PGM5: variants seen among roughly 807,000 people sequenced by gnomAD.
The protein encoded by PGM5 is phosphoglucomutase-like protein 5.
In PGM5, 23 loss-of-function variants were observed where a neutral mutation model predicts 59.2. The ratio of observed to expected loss-of-function variants is 0.39; its 90% CI spans 0.28 to 0.55. The LOEUF is 0.55. Ranked by LOEUF, PGM5 falls within the 20% of genes least tolerant of loss-of-function variation. The pLI is 0.66. For synonymous variants in PGM5, 214 were observed against 286.0 expected, an observed-to-expected ratio of 0.75 and a Z score of 2.54; for missense variants, 574 against 748.3, an observed-to-expected ratio of 0.77 and a Z score of 2.72.
At chr9:68,521,755 A>G (rs989766481) in intron 10 of PGM5, among the ~76,000 whole-genome samples, 1 of 152,216 alleles carries the variant, frequency 6.6e-6, no homozygotes, top group African/African-American at 2.4e-5. Flanking sequence ...AGAGAGGAAC[A>G]GGGAAACCAT....
chr9:68,505,606 T>C (rs1421424471), intron 10 of PGM5, among the ~76,000 whole-genome samples: 1 of 152,190 alleles, frequency 6.6e-6, no homozygotes, highest in Non-Finnish European at 1.5e-5. Flanking sequence ...TTATAAAGGC[T>C]AGAACCCAGA....
chr9:68,494,168 G>A (rs1824444597), intron 9 of PGM5, among the ~76,000 whole-genome samples: 1 of 152,082 alleles, frequency 6.6e-6, no homozygotes, highest in African/African-American at 2.4e-5. Flanking sequence ...TGTGGCTAGT[G>A]AGATATCATG....
rs998291678 is a variant in PGM5 at position 68,466,069 on chromosome 9, A to G, written c.1159+861A>G. ...TGTCTCTTGTCCTTCTGAGGCTCCA[A>G]TTACACATGTGTTAGATAATTTGTG... On this transcript the variant is annotated intron_variant, in intron 7 of 10. Coordinates refer to ENST00000396396, the MANE Select transcript of PGM5 (RefSeq NM_021965.4). 3.7e-6 allele frequency: 4 copies of G among 1,085,812 alleles called. No individual in the cohort carries two copies. In the African/African-American group the frequency reaches 5.0e-5, roughly 13 times the overall value. The allele number at this position is 1,085,812 out of a possible 1,614,324, so 67.3% of individuals were successfully genotyped here.
intron 9 of PGM5, among the ~76,000 whole-genome samples, chr9:68,488,760 C>T (rs1824339254): frequency 6.6e-6 from 1 of 152,196 alleles, no homozygotes; most frequent in Non-Finnish European, 1.5e-5. Flanking sequence ...TCAACAACTG[C>T]AGTTCTTCCT....
intron 6 of PGM5, among the ~76,000 whole-genome samples, chr9:68,404,021 T>G (rs1487648925): frequency 1.3e-5 from 2 of 152,230 alleles, no homozygotes; most frequent in Admixed American, 6.5e-5. Flanking sequence ...TTGAAGATCA[T>G]CAGCAGCAGC....
At chr9:68,447,611 GTTA>G (rs782417036) in intron 6 of PGM5, among the ~76,000 whole-genome samples, 1 of 152,076 alleles carries the variant, frequency 6.6e-6, no homozygotes, top group Non-Finnish European at 1.5e-5. Context: ...AATGTTAGCT[GTTA>G]TTATTATTAT....
At chr9:68,389,967 C>G (rs1822323459) in intron 4 of PGM5, among the ~76,000 whole-genome samples, 1 of 152,086 alleles carries the variant, frequency 6.6e-6, no homozygotes, top group African/African-American at 2.4e-5. Context: ...TAGGATATTA[C>G]TGATATATTT....
At chr9:68,464,164 A>G (rs1310694577) in intron 6 of PGM5, among the ~76,000 whole-genome samples, 2 of 152,230 alleles carry the variant, frequency 1.3e-5, no homozygotes, top group Non-Finnish European at 2.9e-5. Context: ...TTGTGATTCT[A>G]TGATCATACT....
At position 68,465,775 on chromosome 9, in the gene PGM5, G is replaced by A. The variant is rs150936829; in HGVS notation, c.1159+567G>A. On this transcript the variant is annotated intron_variant, in intron 7 of 10. Transcript: ENST00000396396. The stretch of plus-strand genomic sequence containing the variant: ...TGGCTTGCATCATGTCCAAGAAGTC[G>A]GATTTAATTTTTATGTTTATTCCTC... Among the ~76,000 whole-genome samples, 682 of 152,104 alleles carry A rather than the reference G, an allele frequency of 4.5e-3. 2 individuals carry two copies. The highest frequency in any genetic ancestry group is 0.01 in the Middle Eastern group (3 of 294).
At chr9:68,507,982 C>T (rs1302820169) in intron 10 of PGM5, among the ~76,000 whole-genome samples, 1 of 152,030 alleles carries the variant, frequency 6.6e-6, no homozygotes, top group Non-Finnish European at 1.5e-5. Context: ...TATCATAGAC[C>T]AGGGCTTTTT....
At chr9:68,473,403 G>T (rs1554686414) in intron 7 of PGM5, among the ~76,000 whole-genome samples, 1 of 152,192 alleles carries the variant, frequency 6.6e-6, no homozygotes, top group Non-Finnish European at 1.5e-5. Flanking sequence ...CCACAGCATT[G>T]CTGGGATAAT....
chr9:68,388,836 T>TA (rs1368575702), intron 4 of PGM5, among the ~76,000 whole-genome samples: 1 of 152,168 alleles, frequency 6.6e-6, no homozygotes, highest in East Asian at 1.9e-4. Flanking sequence ...TGGAAGCTTT[T>TA]AGGACCTTTG....
chr9:68,474,882 A>G (rs1408136763), intron 7 of PGM5, among the ~76,000 whole-genome samples: 3 of 150,076 alleles, frequency 2.0e-5, no homozygotes, highest in Non-Finnish European at 4.4e-5. Context: ...AGGAACCATA[A>G]ATGCATATTA....
intron 6 of PGM5, among the ~76,000 whole-genome samples, chr9:68,460,346 C>G (rs1320626435): frequency 6.6e-6 from 1 of 152,200 alleles, no homozygotes; most frequent in Non-Finnish European, 1.5e-5. Flanking sequence ...GTCAGCACCC[C>G]TGTGCTTAGT....
chr9:68,369,765 G>A (rs1164377149), intron 1 of PGM5, among the ~76,000 whole-genome samples: 1 of 152,156 alleles, frequency 6.6e-6, no homozygotes, highest in Non-Finnish European at 1.5e-5. Context: ...CATCTCTCCA[G>A]CATGTGTGTA....
At chr9:68,459,667 C>T (rs140042157) in intron 6 of PGM5, among the ~76,000 whole-genome samples, 400 of 152,250 alleles carry the variant, frequency 2.6e-3, no homozygotes, top group Middle Eastern at 0.014. Context: ...CAGCACTTGG[C>T]CGTACCACTC....
intron 6 of PGM5, among the ~76,000 whole-genome samples, chr9:68,464,866 CTTA>C (rs1554685683): frequency 6.6e-6 from 1 of 152,058 alleles, no homozygotes; most frequent in African/African-American, 2.4e-5. Flanking sequence ...TGTATATTAA[CTTA>C]TTATTTTCTA....
Position 68,484,038 on chromosome 9 carries a change from C to T in PGM5, c.1469C>T (p.Thr490Ile). The change falls in exon 9 of 11, where the codon ACC becomes ATC. Residue 490 changes from threonine (T) to isoleucine (I), a missense_variant. This residue lies in a region of PGM5 where 300 missense variants were observed against 280.0 expected (regional missense o/e 1.07). Coordinates refer to ENST00000396396, the MANE Select transcript of PGM5 (RefSeq NM_021965.4). ...GTGGACCCTGTGGATGGCACTGTGA[C>T]CAAGAAACAGGTACTTGCTAGGAAA... ...EYVDPVDGTV[T>I]KKQGLRIIFS... The T allele has an allele frequency of 6.2e-7, 1 of 1,613,008 alleles. No individual in the cohort carries two copies. Among genetic ancestry groups the T allele is most frequent in the Non-Finnish European group, 8.5e-7 (1 of 1,179,796 alleles).
intron 6 of PGM5, among the ~76,000 whole-genome samples, chr9:68,430,079 G>T (rs1486055541): frequency 6.6e-6 from 1 of 151,998 alleles, no homozygotes; most frequent in Non-Finnish European, 1.5e-5. Flanking sequence ...TCTGCTGTTG[G>T]ATATATCATT....
Sources: gnomAD v4.1 joint callset for allele counts (sites outside exome capture counted in the v4.1 genomes callset) on GRCh38, gnomAD v4.1.1 for gene constraint, gnomAD v4.1.1 regional missense constraint, MANE v1.5 for transcripts, NCBI Gene and HGNC (gene_info 2026-07-23, HGNC 2026-07-21) for gene names.